GPC5: variants seen among roughly 807,000 people sequenced by gnomAD.
GPC5 encodes the protein glypican 5.
Under a neutral mutation model 53.9 loss-of-function variants are expected in GPC5, and 47 were observed. The observed-to-expected ratio is 0.87, with a 90% CI of 0.69 to 1.11. GPC5 has a LOEUF of 1.11. GPC5 is among the 50% of genes most tolerant of loss of function. The pLI, the probability that GPC5 is intolerant of heterozygous loss-of-function variation, is 0.00. For missense variants in GPC5, 748 were observed against 713.1 expected (o/e 1.05, Z -0.56); for synonymous variants, 286 against 263.3 (o/e 1.09, Z -0.84).
chr13:91,751,161 G>A (rs2037167734), intron 4 of GPC5, among the ~76,000 whole-genome samples: 1 of 152,100 alleles, frequency 6.6e-6, no homozygotes, highest in Non-Finnish European at 1.5e-5. Context: ...TTCCAAAGTA[G>A]GATCTCCCCC....
Position 92,577,731 on chromosome 13 carries a change from C to T in GPC5, c.1562-288551C>T, listed in dbSNP as rs191684605. On this transcript the variant is annotated intron_variant, in intron 7 of 7. Transcript: ENST00000377067. The stretch of plus-strand genomic sequence containing the variant: ...CTGCAAGTCACAAAGTACAAAATCT[C>T]ATCATGAAAAGCAGTGAGTAAAAGT... Among the ~76,000 whole-genome samples, 3 of 152,108 alleles carry T rather than the reference C, an allele frequency of 2.0e-5. No individual in the cohort carries two copies. In the East Asian group the frequency reaches 5.8e-4, roughly 29 times the overall value.
At chr13:92,286,724 G>A (rs2042957439) in intron 7 of GPC5, among the ~76,000 whole-genome samples, 1 of 149,018 alleles carries the variant, frequency 6.7e-6, no homozygotes, top group Non-Finnish European at 1.5e-5. Flanking sequence ...ATCACACACT[G>A]GGGCCTGTTG....
At chr13:92,800,943 T>C (rs1005688300) in intron 7 of GPC5, among the ~76,000 whole-genome samples, 1 of 151,700 alleles carries the variant, frequency 6.6e-6, no homozygotes, top group Non-Finnish European at 1.5e-5. Context: ...TGTCAACAGA[T>C]ATTACAAACA....
At chr13:91,435,350 G>T (rs191092867) in intron 1 of GPC5, among the ~76,000 whole-genome samples, 1 of 152,244 alleles carries the variant, frequency 6.6e-6, no homozygotes, top group Admixed American at 6.5e-5. Flanking sequence ...ATTATTTTGA[G>T]ATTTGTCCCA....
At chr13:92,045,885 A>G (rs1273135915) in intron 6 of GPC5, among the ~76,000 whole-genome samples, 1 of 152,136 alleles carries the variant, frequency 6.6e-6, no homozygotes, top group Non-Finnish European at 1.5e-5. Flanking sequence ...AATTTGCCTC[A>G]TTCCAGAGGC....
intron 7 of GPC5, among the ~76,000 whole-genome samples, chr13:92,252,552 A>G (rs981735646): frequency 6.6e-6 from 1 of 152,094 alleles, no homozygotes; most frequent in Non-Finnish European, 1.5e-5. Flanking sequence ...AGAATGTTAT[A>G]GAGTAAAAAT....
At chr13:92,266,479 C>CA (rs1013393676) in intron 7 of GPC5, among the ~76,000 whole-genome samples, 11 of 151,406 alleles carry the variant, frequency 7.3e-5, no homozygotes, top group Non-Finnish European at 1.3e-4. Flanking sequence ...ATATAGGAAG[C>CA]AAAAAAAATA....
intron 2 of GPC5, among the ~76,000 whole-genome samples, chr13:91,636,977 A>G (rs1410642729): frequency 6.6e-6 from 1 of 152,198 alleles, no homozygotes; most frequent in Non-Finnish European, 1.5e-5. Context: ...CGAACAAAAC[A>G]AAAACAATCA....
chr13:92,592,225 G>A (rs1594329656), intron 7 of GPC5, among the ~76,000 whole-genome samples: 1 of 152,166 alleles, frequency 6.6e-6, no homozygotes, highest in Non-Finnish European at 1.5e-5. Context: ...TGGAGAATGG[G>A]AAGAGAAGAT....
At chr13:91,592,761 G>A (rs1034565576) in intron 2 of GPC5, among the ~76,000 whole-genome samples, 3 of 152,174 alleles carry the variant, frequency 2.0e-5, no homozygotes, top group Admixed American at 1.3e-4. Flanking sequence ...ACATAATCAG[G>A]TGCAGGAAAG....
At chr13:91,552,623 G>A in intron 2 of GPC5, among the ~76,000 whole-genome samples, 1 of 152,092 alleles carries the variant, frequency 6.6e-6, no homozygotes, top group Non-Finnish European at 1.5e-5. Context: ...AGGTTGGGCT[G>A]GTTAACTGCA....
intron 2 of GPC5, among the ~76,000 whole-genome samples, chr13:91,515,176 G>T (rs548367682): frequency 3.9e-5 from 6 of 152,124 alleles, no homozygotes; most frequent in Admixed American, 3.3e-4. Context: ...TCTTAGAGTC[G>T]CACTATAGTT....
At chr13:91,515,259 C>T (rs1438063945) in intron 2 of GPC5, among the ~76,000 whole-genome samples, 1 of 151,294 alleles carries the variant, frequency 6.6e-6, no homozygotes, top group Non-Finnish European at 1.5e-5. Flanking sequence ...TTTATGCAAA[C>T]TTGTTCATTT....
At chr13:91,896,571 G>T (rs1340672362) in intron 5 of GPC5, among the ~76,000 whole-genome samples, 1 of 152,160 alleles carries the variant, frequency 6.6e-6, no homozygotes, top group Non-Finnish European at 1.5e-5. Flanking sequence ...ATCATGAAAG[G>T]ACTGAGAAAG....
intron 7 of GPC5, among the ~76,000 whole-genome samples, chr13:92,860,864 A>G (rs1274180171): frequency 6.6e-6 from 1 of 152,100 alleles, no homozygotes; most frequent in Non-Finnish European, 1.5e-5. Flanking sequence ...ATTAAAAGAC[A>G]CTAAGAGAAA....
At chr13:91,704,964 C>A (rs1053131835) in intron 3 of GPC5, among the ~76,000 whole-genome samples, 1 of 152,166 alleles carries the variant, frequency 6.6e-6, no homozygotes, top group African/African-American at 2.4e-5. Flanking sequence ...ACCTTGGAGA[C>A]CTAATCTATC....
Position 92,381,950 on chromosome 13 carries a change from CTATG to C in GPC5, c.1561+236973_1561+236976del, listed in dbSNP as rs77694311. Reference sequence around the variant, plus strand: ...TATATGATTATATATGAAATAATATCTATGTATGTATGTATCTATCTATCTATCT... The same window carrying C: ...TATATGATTATATATGAAATAATATCTATGTATGTATCTATCTATCTATCT... On this transcript the variant is annotated intron_variant, in intron 7 of 7. Coordinates refer to ENST00000377067, the MANE Select transcript of GPC5 (RefSeq NM_004466.6). 4.9e-5 allele frequency among the ~76,000 whole-genome samples: 5 copies of C among 102,360 alleles called. No homozygotes were observed. In the South Asian group the frequency reaches 8.7e-4, roughly 18 times the overall value. 67.2% of individuals were successfully genotyped at this position (102,360 alleles called of 152,430 possible). A position where few individuals can be genotyped will look rare whatever the true frequency, so the allele number is the denominator to read the frequency against.
chr13:92,325,758 TTA>T (rs1226991357), intron 7 of GPC5, among the ~76,000 whole-genome samples: 1 of 152,018 alleles, frequency 6.6e-6, no homozygotes, highest in Non-Finnish European at 1.5e-5. Flanking sequence ...CCAAAAATCT[TTA>T]TGATTTCATT....
At chr13:92,558,381 A>G (rs560793128) in intron 7 of GPC5, among the ~76,000 whole-genome samples, 135 of 152,180 alleles carry the variant, frequency 8.9e-4, no homozygotes, top group Middle Eastern at 3.4e-3. Context: ...AGAGATAGTT[A>G]TTTTGTAATT....
Sources: allele counts gnomAD v4.1 joint callset (sites outside exome capture counted in the v4.1 genomes callset), GRCh38; gene constraint gnomAD v4.1.1; transcripts MANE v1.5; gene names NCBI Gene and HGNC (gene_info 2026-07-23, HGNC 2026-07-21).